Variants in KIAA0753 observed in about 807,000 individuals in gnomAD.
KIAA0753 encodes KIAA0753, also known as protein moonraker.
A neutral mutation model predicts 116.9 loss-of-function variants in KIAA0753; 114 were observed. The ratio of observed to expected loss-of-function variants is 0.98; its 90% CI spans 0.84 to 1.14. The LOEUF is 1.14. Among genes scored for constraint, KIAA0753 ranks in the 50% most tolerant of loss-of-function variants. KIAA0753 has a pLI of 0.00. For missense variants in KIAA0753, 1,156 were observed against 1,172.4 expected, an observed-to-expected ratio of 0.99 and a Z score of 0.20; for synonymous variants, 405 against 413.1, an observed-to-expected ratio of 0.98 and a Z score of 0.24.
At chr17:6,640,001 A>T (rs1035624799) in intron 1 of KIAA0753, 1 of 152,538 alleles carries the variant, frequency 6.6e-6, no homozygotes, top group African/African-American at 2.4e-5. Flanking sequence ...GCCTCGATGG[A>T]GCCTGGGGTC....
chr17:6,628,033 G>A (rs1971782636), intron 3 of KIAA0753, 84 bp downstream of exon 3: 1 of 1,279,440 alleles, frequency 7.8e-7, no homozygotes, highest in Non-Finnish European at 1.1e-6. Flanking sequence ...AATTGCTATA[G>A]GGGTTGAGGG....
At chr17:6,598,226 GA>G (rs977021031) in intron 14 of KIAA0753, among the ~76,000 whole-genome samples, 2 of 150,556 alleles carry the variant, frequency 1.3e-5, no homozygotes, top group Non-Finnish European at 3.0e-5. Flanking sequence ...TATTCCTCTA[GA>G]AAAAAAAATA....
intron 3 of KIAA0753, among the ~76,000 whole-genome samples, chr17:6,626,649 C>T (rs961662228): frequency 1.3e-5 from 2 of 152,132 alleles, no homozygotes; most frequent in Non-Finnish European, 2.9e-5. Context: ...GGTCTGCAGC[C>T]AGGGGCCATC....
rs201669102 is a variant in KIAA0753 at position 6,628,126 on chromosome 17, T to C, written c.709A>G (p.Thr237Ala). 4 of 1,606,282 alleles carry C rather than the reference T, an allele frequency of 2.5e-6. No homozygotes were observed. The highest frequency in any genetic ancestry group is 4.5e-5 in the East Asian group (2 of 44,798). ...ATCTAATTTTTCTCACCTTTTTTAG[T>C]TACCTCTTCAATTTTGTGGATACAA... is the stretch of plus-strand genomic sequence containing the variant. ...SSCIHKIEEV[T>A]KKDRLEEALD... Residue 237 changes from threonine (T) to alanine (A), a missense_variant, in exon 3 of 19, where the codon ACT (threonine) becomes GCT (alanine). Transcript: ENST00000361413.
intron 18 of KIAA0753, among the ~76,000 whole-genome samples, chr17:6,585,007 T>C (rs1213394766): frequency 6.6e-6 from 1 of 151,928 alleles, no homozygotes; most frequent in African/African-American, 2.4e-5. Context: ...CACCTTGGGC[T>C]GGTATCAAAC....
At position 6,579,439 on chromosome 17, in the gene KIAA0753, T is replaced by C. The variant is rs1967980701; in HGVS notation, c.*308A>G. The C allele has an allele frequency of 8.1e-6, 2 of 248,014 alleles. No homozygotes were observed. Among genetic ancestry groups the C allele is most frequent in the Admixed American group, 5.1e-5 (1 of 19,468 alleles). 15.4% of individuals were successfully genotyped at this position (248,014 alleles called of 1,614,324 possible). On this transcript the variant is annotated 3_prime_UTR_variant, in exon 19 of 19. Transcript: ENST00000361413. ...TTTCAAAACATTTTCATCACCAAAC[T>C]GAGCCAGAGGAATGAACATGGTATT...
intron 18 of KIAA0753, among the ~76,000 whole-genome samples, chr17:6,582,630 A>G (rs999901667): frequency 6.6e-6 from 1 of 152,226 alleles, no homozygotes; most frequent in South Asian, 2.1e-4. Flanking sequence ...TTATGCTTCT[A>G]AAATAATAGG....
intron 14 of KIAA0753, among the ~76,000 whole-genome samples, chr17:6,598,916 G>A (rs1419495464): frequency 6.6e-6 from 1 of 152,134 alleles, no homozygotes; most frequent in African/African-American, 2.4e-5. Flanking sequence ...AGGAAATGAG[G>A]GCAGGCAGCC....
chr17:6,636,552 C>A (rs1179718626), intron 1 of KIAA0753: 1 of 152,658 alleles, frequency 6.6e-6, no homozygotes, highest in Non-Finnish European at 1.5e-5. Context: ...CACCCCTAAA[C>A]TGTCCCCCTG....
In KIAA0753 at chr17:6,591,064, A is replaced by G. The variant is rs1187991675; in HGVS notation, c.2441-434T>C. On this transcript the variant is annotated intron_variant, in intron 16 of 18. Coordinates refer to ENST00000361413, the MANE Select transcript of KIAA0753 (RefSeq NM_014804.3). ...AGGAAGAAGAAGAAGAAGAAGAAGA[A>G]GAAGAAGAAGAAGAAGAAGAAGAAG... is the stretch of plus-strand genomic sequence containing the variant. Among the ~76,000 whole-genome samples the G allele has an allele frequency of 2.3e-3, 204 of 88,956 alleles. 11 individuals are homozygous for G. The highest frequency in any genetic ancestry group is 9.6e-3 in the African/African-American group (170 of 17,624). The allele number at this position is 88,956 out of a possible 152,430, so 58.4% of individuals were successfully genotyped here. A position where few individuals can be genotyped will look rare whatever the true frequency, so the allele number is the denominator to read the frequency against.
chr17:6,605,353 G>A (rs1219893541), intron 12 of KIAA0753, among the ~76,000 whole-genome samples: 1 of 152,150 alleles, frequency 6.6e-6, no homozygotes, highest in Non-Finnish European at 1.5e-5. Flanking sequence ...TCCTGACAAG[G>A]CTTCCTCCCG....
chr17:6,618,856 GGTAGAAAAAAGTTCAAATA>G (rs1249336870), intron 7 of KIAA0753, among the ~76,000 whole-genome samples: 3 of 152,058 alleles, frequency 2.0e-5, no homozygotes, highest in Admixed American at 1.3e-4. Flanking sequence ...AACAAAATCA[GGTAGAAAAAAGTTCAAATA>G]TGTCATTAAT....
chr17:6,615,900 C>T (rs1196000119), intron 7 of KIAA0753, among the ~76,000 whole-genome samples: 1 of 152,098 alleles, frequency 6.6e-6, no homozygotes, highest in African/African-American at 2.4e-5. Flanking sequence ...ATGTAAATCA[C>T]AAGACAGCTG....
intron 3 of KIAA0753, among the ~76,000 whole-genome samples, chr17:6,626,087 T>A (rs191728537): frequency 6.6e-6 from 1 of 152,384 alleles, no homozygotes; most frequent in Non-Finnish European, 1.5e-5. Context: ...AGAGTCTTCA[T>A]GTATTTCTCA....
At chr17:6,587,402 G>C (rs1239874357) in intron 18 of KIAA0753, among the ~76,000 whole-genome samples, 1 of 152,062 alleles carries the variant, frequency 6.6e-6, no homozygotes, top group Non-Finnish European at 1.5e-5. Context: ...ATTCTTTATA[G>C]GCTGAGAGAT....
intron 3 of KIAA0753, among the ~76,000 whole-genome samples, chr17:6,626,203 T>C (rs1971656976): frequency 6.6e-6 from 1 of 152,220 alleles, no homozygotes; most frequent in African/African-American, 2.4e-5. Context: ...ATCTATTCCT[T>C]CCAGGCTGTG....
At position 6,620,987 on chromosome 17, in the gene KIAA0753, A is replaced by G. The variant is rs1430868679; in HGVS notation, c.1116T>C (p.Ser372=). Residue 372 remains serine (S), a synonymous_variant, in exon 7 of 19, where the codon TCT becomes TCC. Transcript: ENST00000361413. ...TTGGTGACAGTTTCTTTTCCAGGAG[A>G]GATTCCAAAGCCTGCCACAAAAACA... ...DILQQIEALE[S]LLEKKLSPKK... is the part of the protein sequence containing the mutation. 1 of 1,612,692 alleles carries G rather than the reference A, an allele frequency of 6.2e-7. No homozygotes were observed. The highest frequency in any genetic ancestry group is 1.3e-5 in the African/African-American group (1 of 74,986).
chr17:6,581,898 C>T (rs1180201738), intron 18 of KIAA0753, among the ~76,000 whole-genome samples: 1 of 152,140 alleles, frequency 6.6e-6, no homozygotes, highest in Non-Finnish European at 1.5e-5. Context: ...TTTTCCAGCC[C>T]CAGGCTTATA....
chr17:6,625,286 A>G (rs951054939), intron 3 of KIAA0753, among the ~76,000 whole-genome samples: 1 of 152,244 alleles, frequency 6.6e-6, no homozygotes, highest in African/African-American at 2.4e-5. Context: ...ATGCCTATTG[A>G]TCAGCCACTA....
Sources: gnomAD v4.1 joint callset for allele counts (sites outside exome capture counted in the v4.1 genomes callset) on GRCh38, gnomAD v4.1.1 for gene constraint, MANE v1.5 for transcripts, NCBI Gene and HGNC (gene_info 2026-07-23, HGNC 2026-07-21) for gene names.